Variants in ZNF500 observed in about 807,000 individuals in gnomAD.
The protein encoded by ZNF500 is zinc finger protein 500.
In ZNF500, 31 loss-of-function variants were observed where a neutral mutation model predicts 30.1. The observed-to-expected ratio is 1.03, with a 90% CI of 0.77 to 1.39. ZNF500 has a LOEUF of 1.39. Among genes scored for constraint, ZNF500 ranks in the 40% most tolerant of loss-of-function variants. ZNF500 has a pLI of 0.00. For synonymous variants in ZNF500, 392 were observed against 282.0 expected (o/e 1.39, Z -3.91); for missense variants, 817 against 657.8 (o/e 1.24, Z -2.65).
chr16:4,746,255 CTG>C, downstream of ZNF500: 1 of 1,083,468 alleles, frequency 9.2e-7, no homozygotes, highest in South Asian at 1.5e-5. Flanking sequence ...ATGTGCCCGT[CTG>C]TAGAGAGTGG....
chr16:4,757,051 T>C (rs2082142420), intron 5 of ZNF500, among the ~76,000 whole-genome samples: 1 of 152,160 alleles, frequency 6.6e-6, no homozygotes, highest in Non-Finnish European at 1.5e-5. Context: ...AGTGAGACCC[T>C]GTCTCAAAAA....
downstream of ZNF500, chr16:4,746,727 C>A: frequency 2.6e-6 from 2 of 758,920 alleles, no homozygotes; most frequent in Non-Finnish European, 2.1e-6. Context: ...GGGCTCTATG[C>A]AATAGAGCCC....
At position 4,765,597 on chromosome 16, in the gene ZNF500, G is replaced by GC. The variant is rs761270796; in HGVS notation, c.381dup (p.Leu128AlafsTer18). 1.9e-6 allele frequency: 3 copies of GC among 1,608,856 alleles called. No homozygotes were observed. The highest frequency in any genetic ancestry group is 2.5e-6 in the Non-Finnish European group (3 of 1,177,092). On this transcript the variant is annotated frameshift_variant, in exon 2 of 6. Coordinates refer to ENST00000219478, the MANE Select transcript of ZNF500 (RefSeq NM_021646.4). LOFTEE classifies it high-confidence loss of function. Reference sequence around the variant, plus strand: ...CTGTGTTTCCTGGGCTTCCGCTGCAGCCCTTCCACAAGGACCACGGCCTCC... The same window carrying GC: ...CTGTGTTTCCTGGGCTTCCGCTGCAGCCCCTTCCACAAGGACCACGGCCTCC...
At chr16:4,746,416 C>T (rs116008823), downstream of ZNF500, 2,099 of 1,613,366 alleles carry the variant, frequency 1.3e-3, 27 homozygotes, top group African/African-American at 0.025. Context: ...GGGCCAGGCC[C>T]GCAGCTGGCC....
At chr16:4,763,520 A>C in intron 2 of ZNF500, 2 of 984,472 alleles carry the variant, frequency 2.0e-6, no homozygotes, top group Non-Finnish European at 2.4e-6. Context: ...TGAGCTCTGC[A>C]ATAGCACTTG....
At chr16:4,762,866 G>A (rs373694440) in intron 2 of ZNF500, 110 bp from the exon 3 acceptor site, 163 of 1,441,896 alleles carry the variant, frequency 1.1e-4, no homozygotes, top group Non-Finnish European at 1.4e-4. Flanking sequence ...GCCCACCCCC[G>A]GGCTGTCTGC....
intron 3 of ZNF500, 110 bp downstream of exon 3, chr16:4,762,463 G>C (rs2141846992): frequency 6.6e-7 from 1 of 1,513,750 alleles, no homozygotes; most frequent in East Asian, 2.3e-5. Flanking sequence ...TGGAGAGCCT[G>C]TGCACCCTGC....
At chr16:4,761,884 CAAAA>C (rs1184015349) in intron 4 of ZNF500, among the ~76,000 whole-genome samples, 15 of 150,860 alleles carry the variant, frequency 9.9e-5, no homozygotes, top group Non-Finnish European at 1.6e-4. Context: ...AACAAACAAA[CAAAA>C]ACCCCAAAAA....
intron 2 of ZNF500, chr16:4,763,583 G>A (rs747492847): frequency 1.0e-6 from 1 of 985,246 alleles, no homozygotes; most frequent in African/African-American, 1.7e-5. Flanking sequence ...ACCCATCTCA[G>A]GCTTCCTCTT....
At chr16:4,763,369 A>G (rs2082228671) in intron 2 of ZNF500, among the ~76,000 whole-genome samples, 1 of 151,712 alleles carries the variant, frequency 6.6e-6, no homozygotes, top group South Asian at 2.1e-4. Context: ...ACTGCACTCC[A>G]GCCTGGGCAA....
Position 4,765,629 on chromosome 16 carries a change from C to T in ZNF500, c.350G>A (p.Ser117Asn). ...QARVREQQPE[S>N]GEEAVVLVEG... ...CACAAGGACCACGGCCTCCTCACCG[C>T]TCTCCGGCTGCTGCTCGCGTACCCG... The change falls in exon 2 of 6, where the codon AGC (serine) becomes AAC (asparagine). Residue 117 changes from serine (S) to asparagine (N), a missense_variant. Ser to Asn is a conservative substitution (Grantham distance 46). Transcript: ENST00000219478. 1.2e-6 allele frequency: 2 copies of T among 1,613,510 alleles called. No individual in the cohort carries two copies. The highest frequency in any genetic ancestry group is 1.7e-6 in the Non-Finnish European group (2 of 1,179,884).
At chr16:4,755,343 GT>G (rs2082125203) in intron 5 of ZNF500, among the ~76,000 whole-genome samples, 1 of 151,980 alleles carries the variant, frequency 6.6e-6, no homozygotes. Flanking sequence ...TTGAGATGGA[GT>G]CTCGCTCTGT....
chr16:4,759,484 T>A lies in ZNF500; in HGVS notation c.760+1008A>T, dbSNP rs534167952. Among the ~76,000 whole-genome samples the A allele has an allele frequency of 3.9e-5, 6 of 152,252 alleles. No individual in the cohort carries two copies. In the South Asian group the frequency reaches 1.2e-3, roughly 32 times the overall value. ...AGCATTATTTACAATGGAATATTCT[T>A]CAGCCTTAAAAAGGAAAAAAATTCT... On this transcript the variant is annotated intron_variant, in intron 5 of 5. Coordinates refer to ENST00000219478, the MANE Select transcript of ZNF500 (RefSeq NM_021646.4).
At chr16:4,763,774 G>T in intron 2 of ZNF500, 1 of 985,416 alleles carries the variant, frequency 1.0e-6, no homozygotes, top group African/African-American at 1.7e-5. Flanking sequence ...TGGCCGGCTG[G>T]GAAGAAACCC....
rs148253971 is a variant in ZNF500 at position 4,762,571 on chromosome 16, A to T, written c.598+2T>A. ...TCATTCCTCCAAAGGGGTGCTACTC[A>T]CCTCTCTCTGGCCACAACAGCGGGC... is the stretch of plus-strand genomic sequence containing the variant. On this transcript the variant is annotated splice_donor_variant, in intron 3 of 5. Transcript: ENST00000219478. LOFTEE classifies it high-confidence loss of function. 6 of 1,608,804 alleles carry T rather than the reference A, an allele frequency of 3.7e-6. No homozygotes were observed. Among genetic ancestry groups the T allele is most frequent in the Non-Finnish European group, 3.4e-6 (4 of 1,177,708 alleles).
At chr16:4,748,046 T>C (rs1031886628), downstream of ZNF500, among the ~76,000 whole-genome samples, 9 of 152,186 alleles carry the variant, frequency 5.9e-5, no homozygotes, top group African/African-American at 2.2e-4. Flanking sequence ...GATTTTAGGG[T>C]TGAAAGAGAC....
chr16:4,756,426 G>C (rs1464580012), intron 5 of ZNF500: 9 of 152,134 alleles, frequency 5.9e-5, no homozygotes, highest in Admixed American at 5.9e-4. Context: ...GGAGGTTGCA[G>C]TGAGCCGAGA....
intron 2 of ZNF500, among the ~76,000 whole-genome samples, chr16:4,764,457 C>G (rs556623553): frequency 6.6e-6 from 1 of 151,938 alleles, no homozygotes; most frequent in South Asian, 2.1e-4. Flanking sequence ...GCCTGGGCGA[C>G]AGAGAGAGAC....
intron 4 of ZNF500, among the ~76,000 whole-genome samples, chr16:4,761,176 C>T (rs2082194982): frequency 6.6e-6 from 1 of 152,054 alleles, no homozygotes; most frequent in South Asian, 2.1e-4. Flanking sequence ...GTGGCTCACA[C>T]CCGTAATCCC....
Sources: allele counts gnomAD v4.1 joint callset (sites outside exome capture counted in the v4.1 genomes callset), GRCh38; gene constraint gnomAD v4.1.1; transcripts MANE v1.5; gene names NCBI Gene and HGNC (gene_info 2026-07-23, HGNC 2026-07-21).